HSPA4: variants seen among roughly 807,000 people sequenced by gnomAD.
The protein encoded by HSPA4 is heat shock protein family A (Hsp70) member 4.
HSPA4 carries 25 observed loss-of-function variants against 106.2 expected under a neutral mutation model. The observed-to-expected ratio is 0.24, with a 90% CI of 0.17 to 0.33. The LOEUF is 0.33. Ranked by LOEUF, HSPA4 falls within the 10% of genes least tolerant of loss-of-function variation. The probability of loss-of-function intolerance (pLI) is 1.00; values close to 1 mark genes in which losing one functional copy is unlikely to be tolerated. For missense variants in HSPA4, 841 were observed against 996.0 expected (o/e 0.84, Z 2.10); for synonymous variants, 332 against 333.6 (o/e 1.00, Z 0.05).
chr5:133,100,565 C>T (rs1338423206), intron 16 of HSPA4, among the ~76,000 whole-genome samples: 1 of 152,034 alleles, frequency 6.6e-6, no homozygotes, highest in African/African-American at 2.4e-5. Flanking sequence ...TTTGGGAGGC[C>T]TAGGCGGGCG....
At chr5:133,076,317 C>T (rs1765445678) in intron 6 of HSPA4, 2 of 250,894 alleles carry the variant, frequency 8.0e-6, no homozygotes, top group Non-Finnish European at 1.6e-5. Context: ...GGACATGTAA[C>T]TGCTATTGGT....
At chr5:133,068,715 AAG>A (rs1436904802) in intron 3 of HSPA4, among the ~76,000 whole-genome samples, 1 of 152,188 alleles carries the variant, frequency 6.6e-6, no homozygotes, top group Non-Finnish European at 1.5e-5. Context: ...AGGAGAGAGA[AAG>A]GGGTTAAAAA....
At chr5:133,064,257 G>A (rs1765280799) in intron 1 of HSPA4, among the ~76,000 whole-genome samples, 1 of 152,188 alleles carries the variant, frequency 6.6e-6, no homozygotes, top group African/African-American at 2.4e-5. Flanking sequence ...TATAACGTCA[G>A]CATTTTGGGA....
chr5:133,065,055 TC>T lies in HSPA4; in HGVS notation c.165+20del, dbSNP rs1341451410. 1.2e-6 allele frequency: 2 copies of T among 1,606,168 alleles called. No individual in the cohort carries two copies. Among genetic ancestry groups the T allele is most frequent in the South Asian group, 2.2e-5 (2 of 90,812 alleles). On this transcript the variant is annotated intron_variant, in intron 2 of 18. Coordinates refer to ENST00000304858, the MANE Select transcript of HSPA4 (RefSeq NM_002154.4). ...AAAGCCAGGTAAAGTTTCATTTTTT[TC>T]CTAAAATGACTTATTTCTCCTCTTC...
intron 16 of HSPA4, among the ~76,000 whole-genome samples, chr5:133,101,229 T>C (rs1388802960): frequency 6.6e-6 from 1 of 152,214 alleles, no homozygotes; most frequent in African/African-American, 2.4e-5. Context: ...CTTATAACTG[T>C]GTCTATAGTT....
chr5:133,097,318 G>A (rs1241756913), intron 15 of HSPA4, 32 bp downstream of exon 15: 3 of 1,594,692 alleles, frequency 1.9e-6, no homozygotes, highest in South Asian at 1.1e-5. Context: ...TAACTACTGT[G>A]TGTCTTCTGT....
At chr5:133,101,288 T>G (rs949463898) in intron 16 of HSPA4, among the ~76,000 whole-genome samples, 26 of 152,342 alleles carry the variant, frequency 1.7e-4, no homozygotes, top group African/African-American at 6.3e-4. Flanking sequence ...TTATTTAGTT[T>G]ATGAGGAAAT....
chr5:133,052,680 C>T (rs751655367), intron 1 of HSPA4: 3 of 290,182 alleles, frequency 1.0e-5, no homozygotes, highest in African/African-American at 2.2e-5. Context: ...GGATCGCGGT[C>T]CTTTTCTTGA....
At chr5:133,095,225 C>A (rs1765695804) in intron 13 of HSPA4, among the ~76,000 whole-genome samples, 1 of 152,150 alleles carries the variant, frequency 6.6e-6, no homozygotes, top group African/African-American at 2.4e-5. Context: ...TCTCTTGAAC[C>A]TGAGAGGCAG....
chr5:133,095,746 G>A (rs1039355950), intron 13 of HSPA4, among the ~76,000 whole-genome samples: 1 of 152,126 alleles, frequency 6.6e-6, no homozygotes, highest in Non-Finnish European at 1.5e-5. Flanking sequence ...CTGCTTTTAA[G>A]TGTACCATTC....
intron 1 of HSPA4, among the ~76,000 whole-genome samples, chr5:133,062,846 A>G (rs1392904128): frequency 6.6e-6 from 1 of 152,206 alleles, no homozygotes; most frequent in Non-Finnish European, 1.5e-5. Context: ...GTGAAGGACC[A>G]CTGAAGCCCA....
At chr5:133,053,728 C>T (rs987160147) in intron 1 of HSPA4, among the ~76,000 whole-genome samples, 6 of 151,736 alleles carry the variant, frequency 4.0e-5, no homozygotes, top group African/African-American at 9.7e-5. Flanking sequence ...GGCATGCTCT[C>T]GGCTCATTGC....
intron 7 of HSPA4, among the ~76,000 whole-genome samples, chr5:133,086,520 T>C (rs990332819): frequency 6.6e-6 from 1 of 152,238 alleles, no homozygotes; most frequent in Non-Finnish European, 1.5e-5. Flanking sequence ...ACATGTGTTT[T>C]CTGTTCTTTT....
At chr5:133,061,417 C>G in intron 1 of HSPA4, among the ~76,000 whole-genome samples, 1 of 139,924 alleles carries the variant, frequency 7.1e-6, no homozygotes, top group East Asian at 2.0e-4. Context: ...CCACCGCGCC[C>G]GGCCGTGTTT....
chr5:133,082,745 G>A (rs1474785974), intron 7 of HSPA4, among the ~76,000 whole-genome samples: 3 of 152,176 alleles, frequency 2.0e-5, no homozygotes, highest in Admixed American at 6.5e-5. Flanking sequence ...ACAGGTGTGA[G>A]CCACCTCACC....
intron 7 of HSPA4, among the ~76,000 whole-genome samples, chr5:133,083,172 C>T (rs1353770060): frequency 6.0e-5 from 9 of 149,758 alleles, no homozygotes; most frequent in Non-Finnish European, 1.2e-4. Context: ...ATTACCCGGG[C>T]TTGGTGGCGT....
chr5:133,092,861 C>T, intron 13 of HSPA4, 72 bp downstream of exon 13: 2 of 905,578 alleles, frequency 2.2e-6, no homozygotes, highest in Non-Finnish European at 3.3e-6. Context: ...CAGTCTGTTG[C>T]CCAGGCTGGA....
At chr5:133,097,423 A>G in intron 15 of HSPA4, 137 bp downstream of exon 15, 1 of 572,360 alleles carries the variant, frequency 1.7e-6, no homozygotes, top group South Asian at 3.8e-5. Context: ...GCAAAATTTT[A>G]TATTTTTTTA....
At chr5:133,063,357 G>A (rs1016860865) in intron 1 of HSPA4, among the ~76,000 whole-genome samples, 2 of 151,482 alleles carry the variant, frequency 1.3e-5, no homozygotes, top group Non-Finnish European at 2.9e-5. Flanking sequence ...GTACTCAAAT[G>A]ATCCACTTGC....
Sources: allele counts gnomAD v4.1 joint callset (sites outside exome capture counted in the v4.1 genomes callset), GRCh38; gene constraint gnomAD v4.1.1; transcripts MANE v1.5; gene names NCBI Gene and HGNC (gene_info 2026-07-23, HGNC 2026-07-21).